The following PLCB1 variants were observed in gnomAD, a reference collection of about 807,000 sequenced individuals.
PLCB1 encodes 1-phosphatidylinositol 4,5-bisphosphate phosphodiesterase beta-1.
PLCB1 carries 46 observed loss-of-function variants against 161.8 expected under a neutral mutation model. That is an observed-to-expected ratio of 0.28 (90% CI 0.22 to 0.36). The LOEUF (loss-of-function observed/expected upper bound fraction) is 0.36. Among genes scored for constraint, PLCB1 ranks in the 10% least tolerant of loss-of-function variants. The pLI is 1.00. For missense variants in PLCB1, 1,016 were observed against 1,472.5 expected (o/e 0.69, Z 5.07); for synonymous variants, 517 against 503.7 (o/e 1.03, Z -0.35).
chr20:8,191,095 T>G (rs2051965149), intron 2 of PLCB1, among the ~76,000 whole-genome samples: 1 of 152,070 alleles, frequency 6.6e-6, no homozygotes, highest in Non-Finnish European at 1.5e-5. Context: ...CTTTATGGTT[T>G]TTTTGTAACT....
intron 2 of PLCB1, among the ~76,000 whole-genome samples, chr20:8,164,815 A>G (rs2051659484): frequency 6.6e-6 from 1 of 152,200 alleles, no homozygotes; most frequent in Non-Finnish European, 1.5e-5. Context: ...CAAGTCCTTA[A>G]TGATGTCATT....
intron 31 of PLCB1, among the ~76,000 whole-genome samples, chr20:8,866,038 C>T (rs1014462255): frequency 7.9e-5 from 12 of 152,230 alleles, no homozygotes; most frequent in Admixed American, 3.9e-4. Context: ...TAGACCTCTT[C>T]GAGAAATGGA....
chr20:8,737,293 A>G (rs1244150434), intron 20 of PLCB1, 101 bp downstream of exon 20: 8 of 1,009,686 alleles, frequency 7.9e-6, no homozygotes, highest in Non-Finnish European at 1.2e-5. Context: ...TAATTTGAAA[A>G]TTTACACACT....
chr20:8,430,185 G>A (rs1277917501), intron 3 of PLCB1, among the ~76,000 whole-genome samples: 6 of 152,088 alleles, frequency 3.9e-5, no homozygotes, highest in Admixed American at 6.5e-5. Context: ...ATGGGAAAAT[G>A]TGCCCTGATT....
At chr20:8,329,577 T>C (rs1985290382) in intron 2 of PLCB1, among the ~76,000 whole-genome samples, 1 of 152,188 alleles carries the variant, frequency 6.6e-6, no homozygotes, top group Admixed American at 6.5e-5. Flanking sequence ...TTCCAGAAAA[T>C]TACAATGATC....
intron 3 of PLCB1, among the ~76,000 whole-genome samples, chr20:8,412,720 A>G (rs1979097321): frequency 6.6e-6 from 1 of 152,152 alleles, no homozygotes; most frequent in Non-Finnish European, 1.5e-5. Context: ...AAGATTATAA[A>G]GATATAGCTG....
intron 3 of PLCB1, among the ~76,000 whole-genome samples, chr20:8,416,357 GTCTT>G: frequency 6.6e-6 from 1 of 152,220 alleles, no homozygotes; most frequent in Middle Eastern, 3.4e-3. Context: ...TATAGAAAAA[GTCTT>G]TTTAATGTAA....
chr20:8,492,279 A>G (rs1982979120), intron 3 of PLCB1, among the ~76,000 whole-genome samples: 1 of 152,042 alleles, frequency 6.6e-6, no homozygotes, highest in African/African-American at 2.4e-5. Flanking sequence ...TTTTGAAAAT[A>G]GCCCTTCTGA....
At chr20:8,478,905 A>T (rs964963885) in intron 3 of PLCB1, among the ~76,000 whole-genome samples, 2 of 152,194 alleles carry the variant, frequency 1.3e-5, no homozygotes, top group Non-Finnish European at 2.9e-5. Flanking sequence ...AACTTCATTC[A>T]TTATACATGT....
intron 1 of PLCB1, among the ~76,000 whole-genome samples, chr20:8,148,485 A>G (rs2123029010): frequency 6.6e-6 from 1 of 152,354 alleles, no homozygotes; most frequent in South Asian, 2.1e-4. Context: ...GAATATCAGC[A>G]TAAAACAGAA....
chr20:8,149,859 A>G (rs947162505), intron 1 of PLCB1, among the ~76,000 whole-genome samples: 2 of 152,152 alleles, frequency 1.3e-5, no homozygotes, highest in African/African-American at 4.8e-5. Context: ...CCTTGGAAAC[A>G]GTGATGCTCA....
intron 31 of PLCB1, among the ~76,000 whole-genome samples, chr20:8,800,256 A>G (rs1225041995): frequency 6.6e-6 from 1 of 152,216 alleles, no homozygotes; most frequent in African/African-American, 2.4e-5. Flanking sequence ...GTATTATATT[A>G]TATCTAAGGC....
chr20:8,369,022 C>T (rs761738963), intron 2 of PLCB1, among the ~76,000 whole-genome samples: 42 of 152,086 alleles, frequency 2.8e-4, no homozygotes, highest in Non-Finnish European at 5.1e-4. Flanking sequence ...GTGAACTCAT[C>T]GAAACTGGGA....
At chr20:8,745,332 T>C (rs1022008916) in intron 23 of PLCB1, among the ~76,000 whole-genome samples, 1 of 152,198 alleles carries the variant, frequency 6.6e-6, no homozygotes, top group African/African-American at 2.4e-5. Flanking sequence ...AAATTCTATC[T>C]AGGACATGGC....
chr20:8,711,902 G>A (rs903840462), intron 12 of PLCB1, among the ~76,000 whole-genome samples: 1 of 152,150 alleles, frequency 6.6e-6, no homozygotes, highest in African/African-American at 2.4e-5. Context: ...TGCCATCTCT[G>A]ATGAACTATT....
At chr20:8,532,426 C>G (rs533684223) in intron 3 of PLCB1, among the ~76,000 whole-genome samples, 58 of 152,310 alleles carry the variant, frequency 3.8e-4, no homozygotes, top group African/African-American at 1.3e-3. Flanking sequence ...TCACACCAAC[C>G]TCCCCAAACT....
intron 3 of PLCB1, among the ~76,000 whole-genome samples, chr20:8,472,252 A>G (rs1982086123): frequency 6.6e-6 from 1 of 152,150 alleles, no homozygotes; most frequent in Non-Finnish European, 1.5e-5. Context: ...TGGGGGCCAA[A>G]TTGAAGCATT....
At chr20:8,496,329 C>CAAAAAA (rs71331309) in intron 3 of PLCB1, among the ~76,000 whole-genome samples, 2 of 91,998 alleles carry the variant, frequency 2.2e-5, no homozygotes, top group African/African-American at 7.4e-5. Flanking sequence ...CCCATCTCTG[C>CAAAAAA]AAAAAAAAAA....
chr20:8,342,005 A>C (rs957780320), intron 2 of PLCB1, among the ~76,000 whole-genome samples: 3 of 152,130 alleles, frequency 2.0e-5, no homozygotes, highest in Admixed American at 1.3e-4. Flanking sequence ...AAAAAAAAAA[A>C]CAGTGAATTA....
Sources: allele counts gnomAD v4.1 joint callset (sites outside exome capture counted in the v4.1 genomes callset), GRCh38; gene constraint gnomAD v4.1.1; transcripts MANE v1.5; gene names NCBI Gene and HGNC (gene_info 2026-07-23, HGNC 2026-07-21).